NHERF1: variants seen among roughly 807,000 people sequenced by gnomAD.
NHERF1 encodes Na(+)/H(+) exchange regulatory cofactor NHE-RF1.
the NHERF1 span, among the ~76,000 whole-genome samples, chr17:74,767,675 C>T: frequency 6.6e-6 from 1 of 152,204 alleles, no homozygotes; most frequent in South Asian, 2.1e-4. Flanking sequence ...TCTTTCAAGG[C>T]CCTCCTTTGC....
the NHERF1 span, chr17:74,766,937 TC>T: frequency 6.2e-7 from 1 of 1,614,018 alleles, no homozygotes; most frequent in Non-Finnish European, 8.5e-7. Context: ...TTTGCCTAGG[TC>T]CCCTGCCTGT....
At chr17:74,765,493 T>G in the NHERF1 span, among the ~76,000 whole-genome samples, 1 of 151,196 alleles carries the variant, frequency 6.6e-6, no homozygotes, top group Admixed American at 6.6e-5. Context: ...CTCTTGACCT[T>G]GTGATCCGCC....
chr17:74,752,646 A>G, the NHERF1 span, among the ~76,000 whole-genome samples: 3 of 152,154 alleles, frequency 2.0e-5, no homozygotes, highest in East Asian at 5.8e-4. Context: ...GGCATGCACC[A>G]CTATTCCCAG....
At chr17:74,768,404 C>T in the NHERF1 span, 1 of 1,571,720 alleles carries the variant, frequency 6.4e-7, no homozygotes, top group Admixed American at 1.7e-5. Context: ...CTCACCAAGG[C>T]TGAGGACCAG....
the NHERF1 span, chr17:74,766,879 C>A: frequency 2.5e-6 from 4 of 1,569,130 alleles, no homozygotes; most frequent in African/African-American, 4.0e-5. Context: ...CCTACCTCCT[C>A]TCCACGCTCT....
chr17:74,763,388 G>A, the NHERF1 span: 6 of 1,614,100 alleles, frequency 3.7e-6, no homozygotes, highest in Non-Finnish European at 4.2e-6. Flanking sequence ...CTGCATGGAG[G>A]GGAAGCAGCA....
chr17:74,751,755 G>A, the NHERF1 span, among the ~76,000 whole-genome samples: 1 of 152,228 alleles, frequency 6.6e-6, no homozygotes, highest in African/African-American at 2.4e-5. The surrounding 1 kb of genome is among the most constrained non-coding windows in gnomAD (Gnocchi z 4.3). Flanking sequence ...ACCAGTCACA[G>A]GATGAGGCCT....
At chr17:74,768,291 C>A in the NHERF1 span, 1 of 1,430,282 alleles carries the variant, frequency 7.0e-7, no homozygotes, top group Non-Finnish European at 9.9e-7. Flanking sequence ...GATTCCCAGG[C>A]CCCACTTGTT....
chr17:74,754,540 T>C, the NHERF1 span, among the ~76,000 whole-genome samples: 2 of 151,840 alleles, frequency 1.3e-5, no homozygotes, highest in African/African-American at 4.8e-5. Context: ...GTAGCTAGGA[T>C]TACAAACACC....
the NHERF1 span, among the ~76,000 whole-genome samples, chr17:74,755,800 C>T: frequency 6.6e-6 from 1 of 152,084 alleles, no homozygotes; most frequent in Non-Finnish European, 1.5e-5. Flanking sequence ...CACATGCAGA[C>T]GTGCTGTGTG....
chr17:74,752,433 T>TC, the NHERF1 span, among the ~76,000 whole-genome samples: 1 of 152,118 alleles, frequency 6.6e-6, no homozygotes, highest in African/African-American at 2.4e-5. Flanking sequence ...TTCTGTCCCC[T>TC]CCCAGGGAGC....
the NHERF1 span, chr17:74,749,222 G>A: frequency 2.0e-6 from 3 of 1,526,308 alleles, no homozygotes; most frequent in Admixed American, 2.0e-5. The surrounding 1 kb of genome is among the most constrained non-coding windows in gnomAD (Gnocchi z 5.6). Flanking sequence ...GCCGGCCGCC[G>A]CCGAGGTGCA....
chr17:74,765,131 C>T, the NHERF1 span, among the ~76,000 whole-genome samples: 2 of 152,198 alleles, frequency 1.3e-5, no homozygotes, highest in South Asian at 4.1e-4. Flanking sequence ...TGTCTTCTCT[C>T]CCTCTGACCC....
chr17:74,768,063 C>T, the NHERF1 span: 3 of 946,024 alleles, frequency 3.2e-6, no homozygotes, highest in Non-Finnish European at 3.5e-6. Flanking sequence ...AGTCTGAGGC[C>T]CCTACTTCCC....
the NHERF1 span, chr17:74,768,573 G>T: frequency 6.2e-7 from 1 of 1,614,144 alleles, no homozygotes. Context: ...CATGGCCAAA[G>T]AGAGGGCCCA....
the NHERF1 span, among the ~76,000 whole-genome samples, chr17:74,766,382 T>C: frequency 1.3e-5 from 2 of 151,982 alleles, no homozygotes; most frequent in Non-Finnish European, 2.9e-5. Flanking sequence ...TTGTCTTTTT[T>C]AGTAGAGACG....
the NHERF1 span, chr17:74,763,051 TCCTTAC>T: frequency 3.5e-6 from 1 of 288,670 alleles, no homozygotes. Flanking sequence ...GGACAGCAAG[TCCTTAC>T]CCAGGCTGGG....
the NHERF1 span, among the ~76,000 whole-genome samples, chr17:74,765,569 T>C: frequency 6.6e-6 from 1 of 151,494 alleles, no homozygotes; most frequent in African/African-American, 2.4e-5. Context: ...TTTTTTTTTT[T>C]TTTCCGGACA....
chr17:74,758,127 G>T, the NHERF1 span, among the ~76,000 whole-genome samples: 4 of 152,372 alleles, frequency 2.6e-5, no homozygotes, highest in South Asian at 8.3e-4. The surrounding 1 kb of genome is among the most constrained non-coding windows in gnomAD (Gnocchi z 4.3). Context: ...GCAGGGAGCG[G>T]CCCTGGGCCT....
Sources: allele counts gnomAD v4.1 joint callset (sites outside exome capture counted in the v4.1 genomes callset), GRCh38; gene constraint gnomAD v4.1.1; non-coding constraint Gnocchi (gnomAD v3.1); transcripts MANE v1.5; gene names NCBI Gene and HGNC (gene_info 2026-07-23, HGNC 2026-07-21).